ITGA3: variants seen among roughly 807,000 people sequenced by gnomAD.
ITGA3 encodes integrin subunit alpha 3.
A neutral mutation model predicts 131.1 loss-of-function variants in ITGA3; 70 were observed. The ratio of observed to expected loss-of-function variants is 0.53; its 90% CI spans 0.44 to 0.65. The LOEUF (loss-of-function observed/expected upper bound fraction) is 0.65. Among genes scored for constraint, ITGA3 ranks in the 30% least tolerant of loss-of-function variants. The pLI is 0.00. For synonymous variants in ITGA3, 537 were observed against 571.6 expected (o/e 0.94, Z 0.86); for missense variants, 1,098 against 1,388.6 (o/e 0.79, Z 3.33).
rs772329786 is a variant in ITGA3 at position 50,078,853 on chromosome 17, G to C, written c.2327G>C (p.Gly776Ala). The C allele has an allele frequency of 7.4e-6, 12 of 1,612,892 alleles. No individual in the cohort carries two copies. Among genetic ancestry groups the C allele is most frequent in the Middle Eastern group, 1.6e-4 (1 of 6,080 alleles). Residue 776 changes from glycine to alanine, a missense_variant, in exon 19 of 26, where the codon GGG becomes GCG. This residue lies in a region of ITGA3 where 699 missense variants were observed against 829.2 expected (regional missense o/e 0.84). Transcript: ENST00000320031. Reference protein sequence around the residue: ...MVNHRLQSFFGGTVMGESGMK... With the variant: ...MVNHRLQSFFAGTVMGESGMK... The stretch of plus-strand genomic sequence containing the variant: ...AATCACCGGCTACAAAGCTTCTTTG[G>C]GGGGACAGTGATGGGTGAGTCTGGC...
At chr17:50,068,814 TTTTATTTATTTA>T (rs373411924) in intron 4 of ITGA3, among the ~76,000 whole-genome samples, 110 of 118,716 alleles carry the variant, frequency 9.3e-4, no homozygotes, top group South Asian at 6.2e-3. Flanking sequence ...AATCAGTCTT[TTTTATTTATTTA>T]TTTATTTATT....
intron 23 of ITGA3, among the ~76,000 whole-genome samples, chr17:50,082,227 C>G (rs575263359): frequency 1.3e-5 from 2 of 152,176 alleles, no homozygotes; most frequent in South Asian, 4.2e-4. Flanking sequence ...CACTCTGTGG[C>G]CAGGCTGGAA....
Position 50,080,379 on chromosome 17 carries a change from A to G in ITGA3, c.2820+4A>G. ...GTGGAACAGCACCTTCATCGAGGTC[A>G]GTGCCTGGGTCTGAAGGTCTCTCCT... On this transcript the variant is annotated splice_donor_region_variant and intron_variant, in intron 22 of 25. Transcript: ENST00000320031. The G allele has an allele frequency of 6.3e-7, 1 of 1,587,880 alleles. No homozygotes were observed. The highest frequency in any genetic ancestry group is 8.6e-7 in the Non-Finnish European group (1 of 1,158,474).
At position 50,070,891 on chromosome 17, in the gene ITGA3, A is replaced by G; in HGVS notation, c.712A>G (p.Ser238Gly). The G allele has an allele frequency of 6.2e-7, 1 of 1,612,550 alleles. No individual in the cohort carries two copies. The highest frequency in any genetic ancestry group is 8.5e-7 in the Non-Finnish European group (1 of 1,178,712). The change falls in exon 5 of 26, where the codon AGT becomes GGT. Residue 238 changes from serine (S) to glycine (G), a missense_variant. By Grantham distance (56) the Ser-to-Gly change is moderately conservative (BLOSUM62 0). This residue lies in a region of ITGA3 where 356 missense variants were observed against 529.2 expected (regional missense o/e 0.67). Transcript: ENST00000320031. Reference protein sequence around the residue: ...QRKEWDLSEYSYKDPEDQGNL... With the variant: ...QRKEWDLSEYGYKDPEDQGNL... ...CAAGGAGTGGGACTTATCTGAGTAT[A>G]GTTACAAGGACCCAGAGGACCAAGG...
At position 50,079,100 on chromosome 17, in the gene ITGA3, G is replaced by T; in HGVS notation, c.2425G>T (p.Val809Leu). 1 of 1,613,834 alleles carries T rather than the reference G, an allele frequency of 6.2e-7. No homozygotes were observed. ...FQVGPMGEGL[V>L]GLGTLVLGLE... Reference sequence around the variant, plus strand: ...GGTGGGCCCAATGGGGGAGGGGCTGGTGGGCCTGGGGACCCTGGTCCTAGG... The same window carrying T: ...GGTGGGCCCAATGGGGGAGGGGCTGTTGGGCCTGGGGACCCTGGTCCTAGG... The change falls in exon 20 of 26, where the codon GTG becomes TTG. Residue 809 changes from valine to leucine, a missense_variant. Val to Leu is a conservative substitution (Grantham distance 32). This residue lies in a region of ITGA3 where 699 missense variants were observed against 829.2 expected (regional missense o/e 0.84). Coordinates refer to ENST00000320031, the MANE Select transcript of ITGA3 (RefSeq NM_002204.4).
chr17:50,081,417 G>A lies in ITGA3; in HGVS notation c.2919+9G>A, dbSNP rs368921070. ...AGAACAAGACCACGTGGGTGAGTGCGCATGTTCACTAGGACAGCAGTCTCC... is the reference window on the plus strand; with the variant it reads ...AGAACAAGACCACGTGGGTGAGTGCACATGTTCACTAGGACAGCAGTCTCC... On this transcript the variant is annotated intron_variant, in intron 23 of 25. Coordinates refer to ENST00000320031, the MANE Select transcript of ITGA3 (RefSeq NM_002204.4). The A allele has an allele frequency of 1.3e-5, 20 of 1,555,948 alleles. No homozygotes were observed. Among genetic ancestry groups the A allele is most frequent in the Admixed American group, 1.9e-5 (1 of 53,010 alleles).
At chr17:50,088,416 C>T (rs1338272124) in intron 25 of ITGA3, 50 bp downstream of exon 25, 20 of 966,170 alleles carry the variant, frequency 2.1e-5, no homozygotes, top group Non-Finnish European at 2.7e-5. Context: ...CTGGCCGGGC[C>T]TCTGACTCTG....
In ITGA3 at chr17:50,090,318, A is replaced by G. The variant is rs1909659619; in HGVS notation, c.*1240A>G. ...GTCCTAAGGCCCATTTGAGAAGCTG[A>G]GGCTAGTTCCAGAAAACCTCTCCTG... On this transcript the variant is annotated 3_prime_UTR_variant, in exon 26 of 26. Transcript: ENST00000320031. 1 of 449,596 alleles carries G rather than the reference A, an allele frequency of 2.2e-6. No homozygotes were observed. Among genetic ancestry groups the G allele is most frequent in the Non-Finnish European group, 4.5e-6 (1 of 221,372 alleles). The allele number at this position is 449,596 out of a possible 1,614,324, so 27.9% of individuals were successfully genotyped here.
rs759505573 is a variant in ITGA3 at position 50,077,132 on chromosome 17, G to A, written c.2070+11G>A. ...TCCTCAGTGCGCCCCGTGAGTGCCC[G>A]CCGGCCGGCTCAGAGCCCAAGCAGG... On this transcript the variant is annotated intron_variant, in intron 15 of 25. Transcript: ENST00000320031. The A allele has an allele frequency of 2.0e-6, 3 of 1,531,278 alleles. No homozygotes were observed. The highest frequency in any genetic ancestry group is 2.4e-5 in the South Asian group (2 of 83,158). The allele number at this position is 1,531,278 out of a possible 1,614,324, so 94.9% of individuals were successfully genotyped here.
At chr17:50,073,521 G>T (rs1908723549) in intron 7 of ITGA3, among the ~76,000 whole-genome samples, 1 of 151,926 alleles carries the variant, frequency 6.6e-6, no homozygotes, top group African/African-American at 2.4e-5. Context: ...AGTCCAGGAG[G>T]TTGAGGCTGC....
rs1907790417 is a variant in ITGA3 at position 50,056,137 on chromosome 17, G to T, written c.-303G>T. The T allele has an allele frequency of 3.0e-6, 1 of 333,974 alleles. No homozygotes were observed. The highest frequency in any genetic ancestry group is 5.1e-5 in the East Asian group (1 of 19,744). The allele number at this position is 333,974 out of a possible 1,614,324, so 20.7% of individuals were successfully genotyped here. A position where few individuals can be genotyped will look rare whatever the true frequency, so the allele number is the denominator to read the frequency against. On this transcript the variant is annotated 5_prime_UTR_variant, in exon 1 of 26. Transcript: ENST00000320031. This position sits in a 1 kb window ranked among gnomAD's most constrained non-coding sequence, Gnocchi z 5.6. ...ATCCGCCGCGAAGCCGGGATCGAAG[G>T]CGACAGCGCGGCCAAGGGGGCGCGG...
Position 50,056,604 on chromosome 17 carries a change from G to C in ITGA3, c.165G>C (p.Ser55=). ...AGNPGSLFGY[S]VALHRQTERQ... is the part of the protein sequence containing the mutation. ...ACCCGGGCAGCCTCTTCGGCTACTC[G>C]GTCGCCCTCCATCGGCAGACAGAGC... The change falls in exon 1 of 26, where the codon TCG becomes TCC. Residue 55 remains serine (S), a synonymous_variant. Transcript: ENST00000320031. This position sits in a 1 kb window ranked among gnomAD's most constrained non-coding sequence, Gnocchi z 5.6. The C allele has an allele frequency of 6.3e-7, 1 of 1,599,676 alleles. No individual in the cohort carries two copies. Among genetic ancestry groups the C allele is most frequent in the Non-Finnish European group, 8.5e-7 (1 of 1,174,140 alleles).
chr17:50,075,816 G>A (rs990389779), intron 12 of ITGA3, 81 bp downstream of exon 12: 4 of 1,452,664 alleles, frequency 2.8e-6, no homozygotes, highest in Non-Finnish European at 3.8e-6. Flanking sequence ...TCAAGGGTGA[G>A]GGACGGGGGT....
intron 3 of ITGA3, chr17:50,066,032 CAAA>C (rs1183511362): frequency 5.2e-5 from 2 of 38,716 alleles, no homozygotes; most frequent in East Asian, 7.4e-4. Context: ...GACTCCATCT[CAAA>C]AAAAAAAAAA....
Position 50,078,079 on chromosome 17 carries a change from G to T in ITGA3, c.2173G>T (p.Val725Leu). ...ELLIAFEVIG[V>L]TLHTRDLQVQ... ...GCTCATCGCCTTTGAGGTCATCGGG[G>T]TGACCCTGCACACAAGGGACCTTCA... is the stretch of plus-strand genomic sequence containing the variant. Residue 725 changes from valine to leucine, a missense_variant, in exon 17 of 26, where the codon GTG (valine) becomes TTG (leucine). Transcript: ENST00000320031. The T allele has an allele frequency of 5.6e-6, 9 of 1,613,642 alleles. No individual in the cohort carries two copies. The highest frequency in any genetic ancestry group is 1.1e-5 in the South Asian group (1 of 91,072).
Position 50,087,839 on chromosome 17 carries a change from GC to G in ITGA3, c.3016del (p.Leu1006TrpfsTer3). On this transcript the variant is annotated frameshift_variant, in exon 24 of 26. Transcript: ENST00000320031. LOFTEE classifies it high-confidence loss of function. ...LVAVGAGLLL[L>X]GLIILLLWKC... ...TGGCCGTGGGTGCAGGGCTGCTGCT[GC>G]TGGGGCTGATCATCCTCCTGCTGTG... 6.2e-7 allele frequency: 1 copy of G among 1,605,786 alleles called. No individual in the cohort carries two copies.
Position 50,072,041 on chromosome 17 carries a change from G to T in ITGA3, c.1015G>T (p.Gly339Trp). 6.2e-7 allele frequency: 1 copy of T among 1,614,070 alleles called. No homozygotes were observed. The highest frequency in any genetic ancestry group is 8.5e-7 in the Non-Finnish European group (1 of 1,179,986). ...CTACTTCGAGAGGAAAGAGGAAGTA[G>T]GGGGTGCCATCTATGTCTTCATGAA... The part of the protein sequence containing the change: ...PYYFERKEEV[G>W]GAIYVFMNQA... Residue 339 changes from glycine (G) to tryptophan (W), a missense_variant, in exon 7 of 26, where the codon GGG becomes TGG. By Grantham distance (184) the Gly-to-Trp change is radical. Coordinates refer to ENST00000320031, the MANE Select transcript of ITGA3 (RefSeq NM_002204.4).
At chr17:50,067,934 G>A (rs1908411650) in intron 3 of ITGA3, 122 bp from the exon 4 acceptor site, 7 of 1,302,190 alleles carry the variant, frequency 5.4e-6, no homozygotes, top group East Asian at 2.3e-5. Flanking sequence ...CTGGGAGAAG[G>A]AGAAGCCAGG....
intron 23 of ITGA3, among the ~76,000 whole-genome samples, chr17:50,085,209 A>G (rs1021676263): frequency 2.0e-5 from 3 of 150,848 alleles, no homozygotes; most frequent in African/African-American, 7.3e-5. Context: ...TAAAAAAAAA[A>G]AAGAAAGAAA....
Sources: allele counts gnomAD v4.1 joint callset (sites outside exome capture counted in the v4.1 genomes callset), GRCh38; gene constraint gnomAD v4.1.1; regional missense constraint gnomAD v4.1.1; non-coding constraint Gnocchi (gnomAD v3.1); transcripts MANE v1.5; gene names NCBI Gene and HGNC (gene_info 2026-07-23, HGNC 2026-07-21).